DNAAF9: variants seen among roughly 807,000 people sequenced by gnomAD.
DNAAF9 encodes the protein dynein axonemal assembly factor 9.
DNAAF9 carries 90 observed loss-of-function variants against 167.0 expected under a neutral mutation model. The ratio of observed to expected loss-of-function variants is 0.54; its 90% CI spans 0.45 to 0.64. The LOEUF (loss-of-function observed/expected upper bound fraction) is 0.64. DNAAF9 is among the 30% of genes least tolerant of loss of function. DNAAF9 has a pLI of 0.00. For missense variants in DNAAF9, 1,315 were observed against 1,442.2 expected (o/e 0.91, Z 1.43); for synonymous variants, 491 against 508.8 (o/e 0.96, Z 0.47).
chr20:3,351,468 G>A (rs1231224888), intron 7 of DNAAF9, among the ~76,000 whole-genome samples: 3 of 150,706 alleles, frequency 2.0e-5, no homozygotes, highest in Non-Finnish European at 4.4e-5. Context: ...TGGACAACAA[G>A]AGTGAGACTC....
intron 6 of DNAAF9, among the ~76,000 whole-genome samples, chr20:3,371,306 C>G (rs1021437773): frequency 2.9e-5 from 4 of 136,880 alleles, no homozygotes; most frequent in African/African-American, 1.0e-4. Context: ...GAAATTTTCT[C>G]AATTATTTTT....
At position 3,397,718 on chromosome 20, in the gene DNAAF9, TTG is replaced by T. The variant is rs761354925; in HGVS notation, c.83+9755_83+9756del. Among the ~76,000 whole-genome samples, 509 of 87,934 alleles carry T rather than the reference TTG, an allele frequency of 5.8e-3. 2 individuals are homozygous for T. Among genetic ancestry groups the T allele is most frequent in the African/African-American group, 0.017 (411 of 24,206 alleles). 57.7% of individuals were successfully genotyped at this position (87,934 alleles called of 152,430 possible). The stretch of plus-strand genomic sequence containing the variant: ...GTGTTAAATTTTAAGCAGATTTTTT[TTG>T]GGGGGGGGGAACATCTACCAGTCTA... On this transcript the variant is annotated intron_variant, in intron 1 of 36. Coordinates refer to ENST00000252032, the MANE Select transcript of DNAAF9 (RefSeq NM_001009984.3).
chr20:3,354,951 T>C (rs1165464179), intron 7 of DNAAF9, among the ~76,000 whole-genome samples: 1 of 152,150 alleles, frequency 6.6e-6, no homozygotes, highest in Non-Finnish European at 1.5e-5. Context: ...GTCGCTGCTG[T>C]TCCAGGTGCA....
At chr20:3,313,487 G>C (rs2069449145) in intron 20 of DNAAF9, among the ~76,000 whole-genome samples, 1 of 152,202 alleles carries the variant, frequency 6.6e-6, no homozygotes, top group Admixed American at 6.5e-5. Flanking sequence ...TTGCTTAGTA[G>C]AGGTTGAGGA....
intron 36 of DNAAF9, 150 bp downstream of exon 36, chr20:3,253,576 C>A: frequency 1.6e-6 from 1 of 614,030 alleles, no homozygotes; most frequent in East Asian, 2.8e-5. Flanking sequence ...AGGTTTGCCC[C>A]TGTGCATTCC....
At chr20:3,311,532 C>G (rs1039583024) in intron 20 of DNAAF9, among the ~76,000 whole-genome samples, 1 of 151,948 alleles carries the variant, frequency 6.6e-6, no homozygotes, top group Non-Finnish European at 1.5e-5. Flanking sequence ...ATTACAGGCA[C>G]AAGCCACTGC....
chr20:3,307,791 C>T (rs1468408250), intron 20 of DNAAF9, among the ~76,000 whole-genome samples: 1 of 151,832 alleles, frequency 6.6e-6, no homozygotes, highest in Non-Finnish European at 1.5e-5. Flanking sequence ...AAGCAAATGC[C>T]AAAGAAGAAT....
At chr20:3,366,931 T>TAA in intron 6 of DNAAF9, among the ~76,000 whole-genome samples, 1 of 136,684 alleles carries the variant, frequency 7.3e-6, no homozygotes, top group East Asian at 2.1e-4. Flanking sequence ...CCTCAAAAAT[T>TAA]AAAAAAAAAA....
chr20:3,281,762 T>C lies in DNAAF9; in HGVS notation c.2491A>G (p.Thr831Ala). ...GCCTGGACAACATCAATAACATCTGTGTAGCTGGGGAAGGTAAAAAAGGAA... is the reference window on the plus strand; with the variant it reads ...GCCTGGACAACATCAATAACATCTGCGTAGCTGGGGAAGGTAAAAAAGGAA... ...TRLLVVLQGY[T>A]DVIDVVQALQ... The change falls in exon 28 of 37, where the codon ACA becomes GCA. Residue 831 changes from threonine (T) to alanine (A), a missense_variant. Transcript: ENST00000252032. 6.2e-7 allele frequency: 1 copy of C among 1,609,876 alleles called. No homozygotes were observed. The highest frequency in any genetic ancestry group is 1.7e-5 in the Admixed American group (1 of 59,158).
chr20:3,326,962 A>G, intron 12 of DNAAF9, among the ~76,000 whole-genome samples: 1 of 152,018 alleles, frequency 6.6e-6, no homozygotes, highest in South Asian at 2.1e-4. Context: ...TCTCATACCC[A>G]CTTGCTGCTT....
At chr20:3,362,408 T>TA (rs2083375821) in intron 6 of DNAAF9, 4 of 447,232 alleles carry the variant, frequency 8.9e-6, no homozygotes, top group Non-Finnish European at 1.6e-5. Flanking sequence ...TACTGCAGGC[T>TA]AAGTACATTT....
At chr20:3,374,903 G>C in intron 5 of DNAAF9, 127 bp downstream of exon 5, 2 of 636,294 alleles carry the variant, frequency 3.1e-6, no homozygotes, top group South Asian at 2.1e-5. Context: ...AATTCTGCTT[G>C]ATGTCTTTGG....
rs183919615 is a variant in DNAAF9 at position 3,343,237 on chromosome 20, A to G, written c.845+439T>C. Among the ~76,000 whole-genome samples the G allele has an allele frequency of 3.1e-3, 475 of 152,260 alleles. 4 individuals are homozygous for G. The highest frequency in any genetic ancestry group is 0.011 in the African/African-American group (440 of 41,548). On this transcript the variant is annotated intron_variant, in intron 9 of 36. Coordinates refer to ENST00000252032, the MANE Select transcript of DNAAF9 (RefSeq NM_001009984.3). ...AAGTACAATGGCACGATCTCGGCTC[A>G]CTGCAACCTCCGCCTCCTGGGTTCA...
intron 6 of DNAAF9, among the ~76,000 whole-genome samples, chr20:3,368,449 G>GT (rs1304675368): frequency 6.7e-6 from 1 of 149,312 alleles, no homozygotes; most frequent in Non-Finnish European, 1.5e-5. Context: ...TGGGTGACTT[G>GT]TTTTTTCTTC....
At chr20:3,299,932 T>C (rs912225093) in intron 21 of DNAAF9, among the ~76,000 whole-genome samples, 3 of 152,190 alleles carry the variant, frequency 2.0e-5, no homozygotes, top group Admixed American at 2.0e-4. Context: ...GACACAGTTT[T>C]CACTCTCTCA....
At chr20:3,279,400 C>G (rs1485807373) in intron 28 of DNAAF9, among the ~76,000 whole-genome samples, 1 of 152,168 alleles carries the variant, frequency 6.6e-6, no homozygotes, top group Admixed American at 6.5e-5. Context: ...TAATCTCATT[C>G]TTAACTCAAA....
intron 9 of DNAAF9, 167 bp from the exon 10 acceptor site, chr20:3,340,806 C>T: frequency 1.6e-6 from 1 of 617,844 alleles, no homozygotes; most frequent in Non-Finnish European, 2.9e-6. Flanking sequence ...GAAACGGATG[C>T]CAGCTGTCTC....
chr20:3,333,377 C>T lies in DNAAF9; in HGVS notation c.982-1016G>A, dbSNP rs1055150030. ...AATACTACCACAAGAACTAAAGGAA[C>T]ATTAGTAAGTACAATATACAAAAAG... is the stretch of plus-strand genomic sequence containing the variant. On this transcript the variant is annotated intron_variant, in intron 10 of 36. Transcript: ENST00000252032. 2.0e-5 allele frequency among the ~76,000 whole-genome samples: 3 copies of T among 152,088 alleles called. No individual in the cohort carries two copies. In the South Asian group the frequency reaches 6.2e-4, roughly 32 times the overall value.
intron 10 of DNAAF9, among the ~76,000 whole-genome samples, chr20:3,335,911 T>C (rs2069931392): frequency 6.6e-6 from 1 of 151,816 alleles, no homozygotes; most frequent in Non-Finnish European, 1.5e-5. Flanking sequence ...TCACTTGAGG[T>C]CAGGAGTTCA....
Sources: gnomAD v4.1 joint callset for allele counts (sites outside exome capture counted in the v4.1 genomes callset) on GRCh38, gnomAD v4.1.1 for gene constraint, MANE v1.5 for transcripts, NCBI Gene and HGNC (gene_info 2026-07-23, HGNC 2026-07-21) for gene names.